SYNPO2: variants seen among roughly 807,000 people sequenced by gnomAD.
The protein encoded by SYNPO2 is synaptopodin 2.
In SYNPO2, 56 loss-of-function variants were observed where a neutral mutation model predicts 85.0. That is an observed-to-expected ratio of 0.66 (90% CI 0.53 to 0.82). The LOEUF is 0.82. SYNPO2 is among the 40% of genes least tolerant of loss of function. The probability of loss-of-function intolerance (pLI) is 0.00; values close to 1 mark genes in which losing one functional copy is unlikely to be tolerated. For synonymous variants in SYNPO2, 602 were observed against 591.1 expected (o/e 1.02, Z -0.27); for missense variants, 1,575 against 1,534.2 (o/e 1.03, Z -0.44).
chr4:118,990,924 G>A (rs1021328100), intron 1 of SYNPO2, among the ~76,000 whole-genome samples: 2 of 151,786 alleles, frequency 1.3e-5, no homozygotes, highest in Non-Finnish European at 2.9e-5. Flanking sequence ...CTGGATAATT[G>A]TAACCCTCAA....
chr4:118,990,135 T>C (rs964221139), intron 1 of SYNPO2, among the ~76,000 whole-genome samples: 2 of 152,224 alleles, frequency 1.3e-5, no homozygotes, highest in South Asian at 2.1e-4. Flanking sequence ...GACTTGGATT[T>C]TTTTTTAGCC....
intron 1 of SYNPO2, among the ~76,000 whole-genome samples, chr4:118,963,625 A>AT (rs1018238359): frequency 3.9e-5 from 6 of 152,142 alleles, no homozygotes; most frequent in Non-Finnish European, 7.4e-5. Context: ...ACATCTTTAC[A>AT]TTTTTTTAAA....
intron 1 of SYNPO2, among the ~76,000 whole-genome samples, chr4:118,978,973 A>T (rs1272315033): frequency 6.6e-6 from 1 of 152,094 alleles, no homozygotes; most frequent in Non-Finnish European, 1.5e-5. Context: ...GCGCATTCTT[A>T]CATCATTTCT....
At chr4:119,053,491 T>C (rs1739114676) in intron 4 of SYNPO2, among the ~76,000 whole-genome samples, 1 of 152,242 alleles carries the variant, frequency 6.6e-6, no homozygotes, top group Admixed American at 6.5e-5. Flanking sequence ...GTTGCTCTTC[T>C]TTCCTCACTG....
intron 1 of SYNPO2, among the ~76,000 whole-genome samples, chr4:118,900,741 GTCTATCTATCTATCTATCTATCTATCTA>G (rs200026031): frequency 1.2e-5 from 1 of 86,256 alleles, no homozygotes; most frequent in African/African-American, 4.1e-5. Context: ...ATGTCTGTCT[GTCTATCTATCTATCTATCTATCTATCTA>G]TCTATCTATC....
intron 1 of SYNPO2, among the ~76,000 whole-genome samples, chr4:118,935,112 T>C (rs762569091): frequency 2.0e-5 from 3 of 152,210 alleles, no homozygotes; most frequent in Non-Finnish European, 2.9e-5. Context: ...CTTCTTTGTA[T>C]AAATTCTAGT....
chr4:119,018,132 T>C (rs978595834), intron 1 of SYNPO2, among the ~76,000 whole-genome samples: 1 of 152,154 alleles, frequency 6.6e-6, no homozygotes, highest in Non-Finnish European at 1.5e-5. Flanking sequence ...TTGGTGTTGG[T>C]AAAACAAATC....
chr4:118,860,123 A>G (rs1578503203), intron 1 of SYNPO2, among the ~76,000 whole-genome samples: 1 of 152,168 alleles, frequency 6.6e-6, no homozygotes, highest in Non-Finnish European at 1.5e-5. Context: ...CTGGTGTGAA[A>G]TGATATTGTA....
chr4:119,053,042 A>G (rs910609445), intron 4 of SYNPO2, among the ~76,000 whole-genome samples: 2 of 152,194 alleles, frequency 1.3e-5, no homozygotes, highest in Admixed American at 6.5e-5. Flanking sequence ...AATCCATGCT[A>G]TGCTAGGATT....
At chr4:119,034,914 T>A (rs1031459520) in intron 4 of SYNPO2, 126 of 985,378 alleles carry the variant, frequency 1.3e-4, no homozygotes, top group Non-Finnish European at 1.5e-4. Flanking sequence ...ATTAGCTTGA[T>A]TGGTTGGTCC....
intron 1 of SYNPO2, among the ~76,000 whole-genome samples, chr4:118,975,145 A>G (rs1303595063): frequency 1.3e-5 from 2 of 151,842 alleles, no homozygotes; most frequent in Non-Finnish European, 2.9e-5. Context: ...AGTACACCAG[A>G]CTCTTTCCCA....
chr4:119,025,616 C>CG (rs1414705134), intron 2 of SYNPO2, among the ~76,000 whole-genome samples: 4 of 152,018 alleles, frequency 2.6e-5, no homozygotes, highest in Non-Finnish European at 4.4e-5. Context: ...TAGAAGCTCA[C>CG]GCCCTTCAGC....
Position 119,035,943 on chromosome 4 carries a change from T to A in SYNPO2, c.3252+3916T>A, listed in dbSNP as rs575710706. Reference sequence around the variant, plus strand: ...AAGGTCATTCGGCTGCTAAGAGGCATGTCGAACACTCTGTGTGGCTCTTTC... The same window carrying A: ...AAGGTCATTCGGCTGCTAAGAGGCAAGTCGAACACTCTGTGTGGCTCTTTC... On this transcript the variant is annotated intron_variant, in intron 4 of 4. Coordinates refer to ENST00000307142, the MANE Select transcript of SYNPO2 (RefSeq NM_133477.3). 14 of 985,370 alleles carry A rather than the reference T, an allele frequency of 1.4e-5. No individual in the cohort carries two copies. The South Asian group carries it at 5.2e-4, about 36-fold the overall frequency. 61.0% of individuals were successfully genotyped at this position (985,370 alleles called of 1,614,324 possible).
intron 1 of SYNPO2, among the ~76,000 whole-genome samples, chr4:118,890,697 T>TTCTTTCTCTCTC (rs1553935597): frequency 1.2e-5 from 1 of 81,754 alleles, no homozygotes; most frequent in Non-Finnish European, 2.7e-5. Context: ...TCTCATCGGT[T>TTCTTTCTCTCTC]TCTCTCTCTC....
At chr4:118,893,346 G>A (rs1346763333) in intron 1 of SYNPO2, among the ~76,000 whole-genome samples, 1 of 152,200 alleles carries the variant, frequency 6.6e-6, no homozygotes, top group Non-Finnish European at 1.5e-5. Flanking sequence ...TAGCACATAT[G>A]TAGCTTACAT....
chr4:118,937,261 A>G (rs1242204278), intron 1 of SYNPO2, among the ~76,000 whole-genome samples: 1 of 152,058 alleles, frequency 6.6e-6, no homozygotes, highest in Non-Finnish European at 1.5e-5. Flanking sequence ...TACATTTCAG[A>G]TACACTCATT....
rs1371569741 is a variant in SYNPO2, at chr4:119,060,811, G to T, written c.*2877G>T. 1 of 152,148 alleles carries T rather than the reference G, an allele frequency of 6.6e-6. No individual in the cohort carries two copies. The highest frequency in any genetic ancestry group is 1.5e-5 in the Non-Finnish European group (1 of 68,004). 9.4% of individuals were successfully genotyped at this position (152,148 alleles called of 1,614,324 possible). On this transcript the variant is annotated 3_prime_UTR_variant, in exon 5 of 5. Coordinates refer to ENST00000307142, the MANE Select transcript of SYNPO2 (RefSeq NM_133477.3). ...GTTTAAATGTTATACCAATGCATGT[G>T]TTTGAAATATCCATTAAGATGATTT...
chr4:119,042,035 C>A (rs1488767665), intron 4 of SYNPO2: 1 of 152,202 alleles, frequency 6.6e-6, no homozygotes. Flanking sequence ...CAGTCAGGGA[C>A]AGCCAGACTT....
At chr4:118,917,495 G>A (rs1473805527) in intron 1 of SYNPO2, among the ~76,000 whole-genome samples, 2 of 152,078 alleles carry the variant, frequency 1.3e-5, no homozygotes, top group African/African-American at 4.8e-5. Context: ...ATTCAACCAT[G>A]GTAATCTCTT....
Sources: gnomAD v4.1 joint callset for allele counts (sites outside exome capture counted in the v4.1 genomes callset) on GRCh38, gnomAD v4.1.1 for gene constraint, MANE v1.5 for transcripts, NCBI Gene and HGNC (gene_info 2026-07-23, HGNC 2026-07-21) for gene names.